Variants in SWI5 observed in about 807,000 individuals in gnomAD.
SWI5 encodes SWI5 homologous recombination repair protein.
Under a neutral mutation model 17.0 loss-of-function variants are expected in SWI5, and 12 were observed. The observed-to-expected ratio is 0.71, with a 90% CI of 0.45 to 1.14. The LOEUF (loss-of-function observed/expected upper bound fraction) is 1.14, where lower values mean the gene tolerates loss of function less well. Among genes scored for constraint, SWI5 ranks in the 50% most tolerant of loss-of-function variants. The pLI is 0.00. For missense variants in SWI5, 158 were observed against 162.2 expected, an observed-to-expected ratio of 0.97 and a Z score of 0.14; for synonymous variants, 61 against 64.0, an observed-to-expected ratio of 0.95 and a Z score of 0.22.
intron 2 of SWI5, among the ~76,000 whole-genome samples, chr9:128,283,940 C>T (rs1831586259): frequency 6.6e-6 from 1 of 151,734 alleles, no homozygotes; most frequent in Admixed American, 6.6e-5. Flanking sequence ...TTGCAGTGAC[C>T]TATAATCACG....
At chr9:128,281,642 T>G (rs1295453269) in intron 2 of SWI5, among the ~76,000 whole-genome samples, 1 of 152,272 alleles carries the variant, frequency 6.6e-6, no homozygotes, top group Admixed American at 6.5e-5. Context: ...CTATGTGCCA[T>G]GTACTGTTGT....
chr9:128,276,211 C>T (rs531532586), upstream of SWI5: 26 of 1,608,328 alleles, frequency 1.6e-5, no homozygotes, highest in African/African-American at 2.5e-4. Context: ...ACCGCTGTCC[C>T]CGCCCACCTC....
chr9:128,276,993 A>G (rs371324610), intron 2 of SWI5, among the ~76,000 whole-genome samples: 3 of 151,490 alleles, frequency 2.0e-5, no homozygotes, highest in African/African-American at 7.3e-5. Context: ...CTCCCTCCCC[A>G]TCCTGTCTCC....
chr9:128,276,978 C>T (rs1165054020), intron 2 of SWI5, among the ~76,000 whole-genome samples: 2 of 152,076 alleles, frequency 1.3e-5, no homozygotes, highest in Admixed American at 1.3e-4. Flanking sequence ...CCTAGGCTAA[C>T]TCCTCTCCCT....
At chr9:128,286,005 T>C in exon 4 of SWI5, 2 of 1,613,976 alleles carry the variant, frequency 1.2e-6, no homozygotes, top group Non-Finnish European at 1.7e-6. Flanking sequence ...ACATCAAGGA[T>C]GTGGGGCAGA....
intron 4 of SWI5, 66 bp downstream of exon 4, chr9:128,286,099 G>A: frequency 1.6e-6 from 2 of 1,261,320 alleles, no homozygotes; most frequent in South Asian, 1.2e-5. Context: ...TAGGGGTGTT[G>A]GGTTTTGCTC....
upstream of SWI5, chr9:128,275,942 G>T: frequency 6.3e-7 from 1 of 1,594,876 alleles, no homozygotes; most frequent in Non-Finnish European, 8.5e-7. Flanking sequence ...TTCCGACATC[G>T]CGGGGCGGGG....
At chr9:128,288,568 G>A in intron 4 of SWI5, 84 bp from the exon 5 acceptor site, 1 of 1,484,802 alleles carries the variant, frequency 6.7e-7, no homozygotes, top group Non-Finnish European at 9.4e-7. Context: ...GGTGGGTCAG[G>A]GCAGTGACAC....
chr9:128,288,589 C>A, intron 4 of SWI5, 63 bp from the exon 5 acceptor site: 2 of 1,571,326 alleles, frequency 1.3e-6, no homozygotes, highest in Non-Finnish European at 1.7e-6. Context: ...TGGCTCGGGG[C>A]ATTGGCTGTA....
At chr9:128,279,802 G>T (rs1002207441) in intron 2 of SWI5, among the ~76,000 whole-genome samples, 2 of 152,118 alleles carry the variant, frequency 1.3e-5, no homozygotes, top group East Asian at 3.9e-4. Flanking sequence ...CCAAGGAAAG[G>T]AGACTCCCTT....
chr9:128,276,938 A>G (rs1316911304), intron 2 of SWI5, among the ~76,000 whole-genome samples, 183 bp downstream of exon 2: 2 of 151,844 alleles, frequency 1.3e-5, no homozygotes, highest in East Asian at 1.9e-4. Flanking sequence ...CATGCCCGCC[A>G]GTCTTCAAAG....
At position 128,285,082 on chromosome 9, in the gene SWI5, G is replaced by A. The variant is rs183986817; in HGVS notation, c.233+451G>A. Among the ~76,000 whole-genome samples the A allele has an allele frequency of 1.6e-4, 24 of 151,964 alleles. No individual in the cohort carries two copies. The East Asian group carries it at 3.9e-3, about 25-fold the overall frequency. The stretch of plus-strand genomic sequence containing the variant: ...CTCAGGAGGCTGAGGCAGGAGAATC[G>A]CTTGAACCTGGCAGGCAGAGGTTGC... On this transcript the variant is annotated intron_variant, in intron 3 of 4. Transcript: ENST00000418976. The surrounding 1 kb of genome is among the most constrained non-coding windows in gnomAD (Gnocchi z 4.8).
In SWI5 at chr9:128,284,642, T is replaced by C. The variant is rs189244228; in HGVS notation, c.233+11T>C. ...CCAGTTCGTATCTGAGTAAGTTTCA[T>C]TGGGTTCCCCATCATGGTTAAGATA... On this transcript the variant is annotated intron_variant, in intron 3 of 4. Transcript: ENST00000418976. 1.7e-4 allele frequency: 270 copies of C among 1,612,436 alleles called. No individual in the cohort carries two copies. In the East Asian group the frequency reaches 1.8e-3, roughly 11 times the overall value.
exon 1 of SWI5, chr9:128,276,251 G>C (rs779856188): frequency 1.2e-6 from 2 of 1,612,702 alleles, no homozygotes; most frequent in South Asian, 2.2e-5. Flanking sequence ...CTTTCCTTGG[G>C]TGCGCGCGCA....
intron 2 of SWI5, among the ~76,000 whole-genome samples, chr9:128,282,123 T>C (rs1831549615): frequency 6.6e-6 from 1 of 152,206 alleles, no homozygotes; most frequent in African/African-American, 2.4e-5. Context: ...GTGCGGTGGC[T>C]CACGCCTGTA....
intron 3 of SWI5, 35 bp downstream of exon 3, chr9:128,284,666 T>C (rs1354799541): frequency 6.2e-7 from 1 of 1,607,322 alleles, no homozygotes; most frequent in Admixed American, 1.7e-5. Flanking sequence ...ATGGTTAAGA[T>C]AACTTTGGGC....
chr9:128,279,655 A>G (rs2416980), intron 2 of SWI5, among the ~76,000 whole-genome samples: 38,891 of 152,134 alleles, frequency 0.26, 6,433 homozygotes, highest in African/African-American at 0.48. Context: ...GAAGGAACAT[A>G]AAAGTGGACA....
chr9:128,278,902 A>T (rs567880606), intron 2 of SWI5, among the ~76,000 whole-genome samples: 13 of 152,008 alleles, frequency 8.6e-5, no homozygotes, highest in Admixed American at 7.2e-4. Context: ...CCTCCCTAGT[A>T]GCTGGGATTA....
In SWI5 at chr9:128,287,741, T is replaced by C. The variant is rs530509767; in HGVS notation, c.329-911T>C. Among the ~76,000 whole-genome samples the C allele has an allele frequency of 3.9e-5, 6 of 151,940 alleles. No homozygotes were observed. The South Asian group carries it at 6.2e-4, about 16-fold the overall frequency. ...CACGCCCGGCTAATTTTTGTATTTT[T>C]AGTAGAGACAGGGTTTCACCATGTT... On this transcript the variant is annotated intron_variant, in intron 4 of 4. Coordinates refer to ENST00000418976, the Ensembl canonical transcript of SWI5.
Sources: gnomAD v4.1 joint callset for allele counts (sites outside exome capture counted in the v4.1 genomes callset) on GRCh38, gnomAD v4.1.1 for gene constraint, Gnocchi (gnomAD v3.1) non-coding constraint, MANE v1.5 for transcripts, NCBI Gene and HGNC (gene_info 2026-07-23, HGNC 2026-07-21) for gene names.